Variants in CCSER1 observed in about 807,000 individuals in gnomAD.
CCSER1 encodes the protein coiled-coil serine rich protein 1, also known as serine-rich coiled-coil domain-containing protein 1.
A neutral mutation model predicts 82.0 loss-of-function variants in CCSER1; 41 were observed. The observed-to-expected ratio is 0.50, with a 90% CI of 0.39 to 0.65. The LOEUF is 0.65. CCSER1 is among the 30% of genes least tolerant of loss of function. CCSER1 has a pLI of 0.00. For missense variants in CCSER1, 1,119 were observed against 1,064.2 expected, an observed-to-expected ratio of 1.05 and a Z score of -0.72; for synonymous variants, 414 against 383.9, an observed-to-expected ratio of 1.08 and a Z score of -0.92.
rs142889533 is a variant in CCSER1, at chr4:90,255,297, G to C, written c.-41-52947G>C. Among the ~76,000 whole-genome samples the C allele has an allele frequency of 3.7e-3, 555 of 151,782 alleles. 5 individuals carry two copies. The highest frequency in any genetic ancestry group is 0.013 in the African/African-American group (537 of 41,386). ...TTTTTTTCTCAGAGTGATCTACATG[G>C]GAACCACATTCACAAGTAGAAGGTT... On this transcript the variant is annotated intron_variant, in intron 1 of 10. Coordinates refer to ENST00000509176, the MANE Select transcript of CCSER1 (RefSeq NM_001145065.2).
intron 10 of CCSER1, among the ~76,000 whole-genome samples, chr4:91,417,426 G>T (rs2149379340): frequency 6.6e-6 from 1 of 152,172 alleles, no homozygotes; most frequent in Middle Eastern, 3.4e-3. Context: ...CAATAGCAAA[G>T]ATATTGAATC....
chr4:91,060,644 T>C (rs1743877653), intron 9 of CCSER1, among the ~76,000 whole-genome samples: 1 of 151,994 alleles, frequency 6.6e-6, no homozygotes, highest in Non-Finnish European at 1.5e-5. Flanking sequence ...TTCTTCAGGG[T>C]TAGTTAGTTG....
At chr4:90,758,042 G>A (rs1030914617) in intron 7 of CCSER1, among the ~76,000 whole-genome samples, 18 of 151,190 alleles carry the variant, frequency 1.2e-4, no homozygotes, top group African/African-American at 3.9e-4. Flanking sequence ...AAGTTCAAGC[G>A]ATTCTCCTGC....
intron 3 of CCSER1, among the ~76,000 whole-genome samples, chr4:90,379,044 G>A (rs1284501305): frequency 6.6e-6 from 1 of 152,146 alleles, no homozygotes; most frequent in South Asian, 2.1e-4. Context: ...AGATAAGAGC[G>A]AAAACAGAGT....
intron 5 of CCSER1, among the ~76,000 whole-genome samples, chr4:90,598,620 T>A (rs1372845621): frequency 2.6e-5 from 4 of 152,156 alleles, no homozygotes; most frequent in Non-Finnish European, 2.9e-5. Flanking sequence ...TTCAGAGAAA[T>A]GTGTATTCAG....
At chr4:90,616,527 A>T (rs555531717) in intron 5 of CCSER1, among the ~76,000 whole-genome samples, 68 of 152,116 alleles carry the variant, frequency 4.5e-4, no homozygotes, top group African/African-American at 1.5e-3. Context: ...TACCAAAAAT[A>T]TAAAAAAATT....
chr4:90,441,137 G>T (rs1189408956), intron 4 of CCSER1, among the ~76,000 whole-genome samples: 2 of 152,126 alleles, frequency 1.3e-5, no homozygotes, highest in African/African-American at 4.8e-5. Flanking sequence ...CCTTTAAGAA[G>T]ATAATTTTAG....
intron 9 of CCSER1, among the ~76,000 whole-genome samples, chr4:90,933,623 TTATG>T (rs1194458343): frequency 6.6e-6 from 1 of 152,048 alleles, no homozygotes; most frequent in African/African-American, 2.4e-5. Context: ...TAAAAAGAAT[TTATG>T]TAATTCATAA....
intron 9 of CCSER1, among the ~76,000 whole-genome samples, chr4:91,010,324 T>C (rs1301315817): frequency 6.6e-6 from 1 of 152,240 alleles, no homozygotes; most frequent in Non-Finnish European, 1.5e-5. Flanking sequence ...TGTGTTTCTC[T>C]TGCTTCTTTT....
At chr4:91,561,997 A>T (rs558307335) in intron 10 of CCSER1, among the ~76,000 whole-genome samples, 6 of 151,470 alleles carry the variant, frequency 4.0e-5, no homozygotes, top group Non-Finnish European at 5.9e-5. Flanking sequence ...GAGCAGTTTC[A>T]TAGTTTATTC....
At chr4:90,144,004 TATC>T (rs1725325417) in intron 1 of CCSER1, among the ~76,000 whole-genome samples, 5 of 152,192 alleles carry the variant, frequency 3.3e-5, no homozygotes, top group Admixed American at 2.0e-4. Flanking sequence ...TCTCCTTTGT[TATC>T]ATCACATTTC....
chr4:91,499,561 A>G (rs1214447652), intron 10 of CCSER1, among the ~76,000 whole-genome samples: 1 of 151,924 alleles, frequency 6.6e-6, no homozygotes, highest in Non-Finnish European at 1.5e-5. Context: ...ACGTATGACA[A>G]TTATCCACCA....
chr4:90,805,525 T>C (rs1368171157), intron 7 of CCSER1, among the ~76,000 whole-genome samples: 1 of 152,200 alleles, frequency 6.6e-6, no homozygotes, highest in Non-Finnish European at 1.5e-5. Context: ...AGAGTCATCA[T>C]ATTCTATTAA....
intron 10 of CCSER1, among the ~76,000 whole-genome samples, chr4:91,157,554 A>T (rs1373391572): frequency 6.6e-6 from 1 of 151,930 alleles, no homozygotes; most frequent in Non-Finnish European, 1.5e-5. Flanking sequence ...GAAATCTTAA[A>T]CTGTCTGAAC....
intron 8 of CCSER1, among the ~76,000 whole-genome samples, chr4:90,860,608 T>C (rs1277081824): frequency 6.6e-6 from 1 of 151,670 alleles, no homozygotes; most frequent in Non-Finnish European, 1.5e-5. Context: ...TCATAATAGC[T>C]CAATGTGGAA....
At chr4:90,687,258 G>C (rs1291678749) in intron 6 of CCSER1, among the ~76,000 whole-genome samples, 4 of 152,074 alleles carry the variant, frequency 2.6e-5, no homozygotes. Context: ...CAAAGAGAAA[G>C]CTTTTTACAT....
At chr4:90,652,448 A>G (rs1728924529) in intron 6 of CCSER1, among the ~76,000 whole-genome samples, 1 of 152,136 alleles carries the variant, frequency 6.6e-6, no homozygotes, top group South Asian at 2.1e-4. Context: ...TCAGAGAATC[A>G]GTGGTCTGTT....
At chr4:90,841,439 G>A (rs990703874) in intron 8 of CCSER1, among the ~76,000 whole-genome samples, 6 of 151,764 alleles carry the variant, frequency 4.0e-5, no homozygotes, top group East Asian at 1.9e-4. Context: ...TTAGCCGGGC[G>A]TGGTGGCAGA....
chr4:91,360,534 C>T (rs1296958679), intron 10 of CCSER1, among the ~76,000 whole-genome samples: 1 of 151,724 alleles, frequency 6.6e-6, no homozygotes, highest in Non-Finnish European at 1.5e-5. Context: ...CCCATTAAGC[C>T]AGCCTCCTAG....
Sources: gnomAD v4.1 joint callset for allele counts (sites outside exome capture counted in the v4.1 genomes callset) on GRCh38, gnomAD v4.1.1 for gene constraint, MANE v1.5 for transcripts, NCBI Gene and HGNC (gene_info 2026-07-23, HGNC 2026-07-21) for gene names.